RHBDD1: variants seen among roughly 807,000 people sequenced by gnomAD.
RHBDD1 encodes rhomboid-related protein 4.
Under a neutral mutation model 36.3 loss-of-function variants are expected in RHBDD1, and 38 were observed. That is an observed-to-expected ratio of 1.05 (90% CI 0.81 to 1.37). The LOEUF (loss-of-function observed/expected upper bound fraction) is 1.37. Among genes scored for constraint, RHBDD1 ranks in the 40% most tolerant of loss-of-function variants. The pLI is 0.00. For synonymous variants in RHBDD1, 151 were observed against 136.5 expected (o/e 1.11, Z -0.74); for missense variants, 393 against 377.6 (o/e 1.04, Z -0.34).
intron 8 of RHBDD1, among the ~76,000 whole-genome samples, chr2:226,958,702 C>CTGTGTGTGTGTGTGTGTGTG (rs10666758): frequency 2.1e-4 from 29 of 138,938 alleles, no homozygotes; most frequent in African/African-American, 7.8e-4. Context: ...AAGGATTTTT[C>CTGTGTGTGTGTGTGTGTGTG]TGTGTGTGTG....
intron 3 of RHBDD1, among the ~76,000 whole-genome samples, chr2:226,854,812 T>C (rs10933160): frequency 0.24 from 36,392 of 151,924 alleles, 8,177 homozygotes; most frequent in African/African-American, 0.6. Flanking sequence ...ATATAGAAAG[T>C]CATTGAGTGG....
chr2:226,853,720 C>CT (rs1201232484), intron 3 of RHBDD1, among the ~76,000 whole-genome samples: 2 of 152,256 alleles, frequency 1.3e-5, no homozygotes, highest in Non-Finnish European at 2.9e-5. Context: ...GTGAAATTTA[C>CT]TTTCGTCCCC....
At position 226,910,908 on chromosome 2, in the gene RHBDD1, G is replaced by A. The variant is rs568726692; in HGVS notation, c.712+2030G>A. 1.6e-4 allele frequency among the ~76,000 whole-genome samples: 24 copies of A among 152,106 alleles called. No individual in the cohort carries two copies. The South Asian group carries it at 3.3e-3, about 21-fold the overall frequency. On this transcript the variant is annotated intron_variant, in intron 7 of 8. Coordinates refer to ENST00000392062, the MANE Select transcript of RHBDD1 (RefSeq NM_001167608.3). ...TGATCTATGATTGACGATATAGAAC[G>A]TTTAGCCACACTGGTCTTTCTGATT...
intron 5 of RHBDD1, among the ~76,000 whole-genome samples, chr2:226,901,100 A>G (rs1338826205): frequency 6.6e-6 from 1 of 152,172 alleles, no homozygotes; most frequent in African/African-American, 2.4e-5. Context: ...GAGTCCACAT[A>G]TGAGTGAGAT....
chr2:226,992,804 G>T (rs768069262), intron 8 of RHBDD1, among the ~76,000 whole-genome samples: 2 of 152,186 alleles, frequency 1.3e-5, no homozygotes, highest in Admixed American at 6.5e-5. Flanking sequence ...CGATGGCCAC[G>T]TGGGGAAGTG....
intron 8 of RHBDD1, among the ~76,000 whole-genome samples, chr2:226,944,023 C>G (rs1215710220): frequency 6.6e-6 from 1 of 152,178 alleles, no homozygotes; most frequent in African/African-American, 2.4e-5. Flanking sequence ...GTGTTGACAG[C>G]TTGTTTCTGT....
intron 8 of RHBDD1, among the ~76,000 whole-genome samples, chr2:226,946,394 A>G (rs1950995493): frequency 6.6e-6 from 1 of 152,052 alleles, no homozygotes; most frequent in Non-Finnish European, 1.5e-5. Flanking sequence ...GTTCTGTTCC[A>G]TTGGTCTATA....
intron 8 of RHBDD1, among the ~76,000 whole-genome samples, chr2:226,944,861 GA>G (rs1354802695): frequency 6.6e-6 from 1 of 152,100 alleles, no homozygotes; most frequent in Non-Finnish European, 1.5e-5. Context: ...TCTATTGATG[GA>G]TTTTTGTTTC....
At chr2:226,855,855 A>G (rs1456692136) in intron 3 of RHBDD1, among the ~76,000 whole-genome samples, 3 of 152,198 alleles carry the variant, frequency 2.0e-5, no homozygotes, top group African/African-American at 7.2e-5. Context: ...TTTTATATGC[A>G]TGAAGTCAGT....
chr2:226,884,076 T>C (rs1191262810), intron 5 of RHBDD1, among the ~76,000 whole-genome samples: 2 of 152,202 alleles, frequency 1.3e-5, no homozygotes, highest in African/African-American at 4.8e-5. Context: ...TATTCTCAAC[T>C]AATAAGATGA....
At chr2:226,948,998 A>G (rs914866346) in intron 8 of RHBDD1, among the ~76,000 whole-genome samples, 4 of 152,214 alleles carry the variant, frequency 2.6e-5, no homozygotes, top group Non-Finnish European at 5.9e-5. Flanking sequence ...CACCAATAAT[A>G]GCCAAATCAT....
At position 226,914,287 on chromosome 2, in the gene RHBDD1, C is replaced by G. The variant is rs751424959; in HGVS notation, c.792C>G (p.Tyr264Ter). 6.2e-6 allele frequency: 10 copies of G among 1,613,834 alleles called. No individual in the cohort carries two copies. The highest frequency in any genetic ancestry group is 2.2e-5 in the South Asian group (2 of 91,076). ...YEEAPRNYDTYTAGLSEEEQL... is the reference protein window; with the variant it reads ...YEEAPRNYDT The stretch of plus-strand genomic sequence containing the variant: ...AAGCACCCAGGAACTATGACACGTA[C>G]ACAGCAGGACTGAGTGAAGAAGAAC... The change falls in exon 8 of 9, where the codon TAC becomes TAG. Residue 264 changes from tyrosine to a stop codon, truncating the protein, a stop_gained. Coordinates refer to ENST00000392062, the MANE Select transcript of RHBDD1 (RefSeq NM_001167608.3). LOFTEE classifies it high-confidence loss of function.
the RHBDD1 span, among the ~76,000 whole-genome samples, chr2:226,801,026 C>G: frequency 1.3e-5 from 2 of 152,252 alleles, no homozygotes; most frequent in Non-Finnish European, 2.9e-5. Context: ...TCGCCTGGCA[C>G]TAAGGACCCA....
At chr2:226,803,865 C>A in the RHBDD1 span, among the ~76,000 whole-genome samples, 1 of 152,198 alleles carries the variant, frequency 6.6e-6, no homozygotes, top group Non-Finnish European at 1.5e-5. Context: ...CAGGGCTTCT[C>A]AAACCCGAGG....
At chr2:226,813,106 T>C in the RHBDD1 span, among the ~76,000 whole-genome samples, 1 of 152,212 alleles carries the variant, frequency 6.6e-6, no homozygotes, top group Non-Finnish European at 1.5e-5. Context: ...GTGACTTTGC[T>C]ATAATATCCA....
At chr2:226,945,376 C>T (rs1369683468) in intron 8 of RHBDD1, among the ~76,000 whole-genome samples, 1 of 151,920 alleles carries the variant, frequency 6.6e-6, no homozygotes, top group Non-Finnish European at 1.5e-5. Flanking sequence ...GTTCTCATTG[C>T]TCAACTCCCA....
intron 5 of RHBDD1, among the ~76,000 whole-genome samples, chr2:226,899,230 G>C (rs1370711640): frequency 6.6e-6 from 1 of 152,136 alleles, no homozygotes; most frequent in Non-Finnish European, 1.5e-5. Context: ...AAAGAACACT[G>C]TCTGTTGGTG....
chr2:226,937,616 C>G (rs1217445606), intron 8 of RHBDD1, among the ~76,000 whole-genome samples: 1 of 152,084 alleles, frequency 6.6e-6, no homozygotes, highest in Non-Finnish European at 1.5e-5. Flanking sequence ...CCAATAGGCA[C>G]CATTGTGCAT....
chr2:226,975,716 T>C (rs1287751381), intron 8 of RHBDD1, among the ~76,000 whole-genome samples: 4 of 152,202 alleles, frequency 2.6e-5, no homozygotes, highest in African/African-American at 9.7e-5. Context: ...TCGACAATGA[T>C]TTGTACATAA....
Sources: gnomAD v4.1 joint callset for allele counts (sites outside exome capture counted in the v4.1 genomes callset) on GRCh38, gnomAD v4.1.1 for gene constraint, MANE v1.5 for transcripts, NCBI Gene and HGNC (gene_info 2026-07-23, HGNC 2026-07-21) for gene names.